BMF: variants seen among roughly 807,000 people sequenced by gnomAD.
BMF encodes bcl-2-modifying factor.
A neutral mutation model predicts 22.0 loss-of-function variants in BMF; 10 were observed. The observed-to-expected ratio is 0.45, with a 90% CI of 0.28 to 0.77. BMF has a LOEUF of 0.77. Among genes scored for constraint, BMF ranks in the 30% least tolerant of loss-of-function variants. BMF has a pLI of 0.13. For synonymous variants in BMF, 87 were observed against 88.1 expected (o/e 0.99, Z 0.07); for missense variants, 206 against 226.8 (o/e 0.91, Z 0.59).
rs1462234489 is a variant in BMF, at chr15:40,090,260, C to T, written c.*1527G>A. On this transcript the variant is annotated 3_prime_UTR_variant, in exon 5 of 5. Coordinates refer to ENST00000354670, the MANE Select transcript of BMF (RefSeq NM_001003940.2). ...TCTCCTTCAATAGTACTGAAGACCT[C>T]CTCTCCTCAGAACTGGAAGACTTGG... 6.6e-6 allele frequency: 1 copy of T among 152,640 alleles called. No individual in the cohort carries two copies. Among genetic ancestry groups the T allele is most frequent in the East Asian group, 1.9e-4 (1 of 5,202 alleles). The allele number at this position is 152,640 out of a possible 1,614,324, so 9.5% of individuals were successfully genotyped here.
intron 3 of BMF, among the ~76,000 whole-genome samples, chr15:40,104,983 G>T (rs1330318937): frequency 2.6e-5 from 4 of 152,074 alleles, no homozygotes; most frequent in Non-Finnish European, 5.9e-5. Context: ...CAGTCCGCCG[G>T]GCTCCTCGCT....
In BMF at chr15:40,088,923, T is replaced by C. The variant is rs2036182838; in HGVS notation, c.*2864A>G. ...CTGGGGACTTCCCTCACCAGATCTG[T>C]TGACCAACTTCTAGAAACCCCTGCT... is the stretch of plus-strand genomic sequence containing the variant. On this transcript the variant is annotated 3_prime_UTR_variant, in exon 5 of 5. Transcript: ENST00000354670. 6.6e-6 allele frequency: 1 copy of C among 152,670 alleles called. No homozygotes were observed. The highest frequency in any genetic ancestry group is 1.5e-5 in the Non-Finnish European group (1 of 68,042). 9.5% of individuals were successfully genotyped at this position (152,670 alleles called of 1,614,324 possible).
intron 4 of BMF, among the ~76,000 whole-genome samples, chr15:40,093,594 GC>G (rs1424786632): frequency 3.9e-5 from 6 of 152,210 alleles, no homozygotes; most frequent in African/African-American, 1.4e-4. Context: ...CCCCTCCCCA[GC>G]TGCTGACCGA....
intron 4 of BMF, among the ~76,000 whole-genome samples, chr15:40,097,490 C>T (rs966056385): frequency 2.6e-5 from 4 of 152,192 alleles, no homozygotes; most frequent in African/African-American, 9.7e-5. Flanking sequence ...CTTCCTTGTA[C>T]CCTTGTTTTC....
At chr15:40,098,221 G>A (rs58351041) in intron 4 of BMF, among the ~76,000 whole-genome samples, 1,824 of 152,298 alleles carry the variant, frequency 0.012, 41 homozygotes, top group African/African-American at 0.042. Context: ...TTCCTCTAAC[G>A]CAACTGGAAG....
In BMF at chr15:40,087,910, T is replaced by C. The variant is rs1163001318; in HGVS notation, c.*3877A>G. ...CCAGATTTGCTTTAAATGATTTTAT[T>C]AAAAATTGTACCAATTGATGGGGGG... On this transcript the variant is annotated 3_prime_UTR_variant, in exon 5 of 5. Transcript: ENST00000354670. 10 of 152,216 alleles carry C rather than the reference T, an allele frequency of 6.6e-5. No individual in the cohort carries two copies. The highest frequency in any genetic ancestry group is 6.5e-4 in the Admixed American group (10 of 15,288). 9.4% of individuals were successfully genotyped at this position (152,216 alleles called of 1,614,324 possible).
At chr15:40,107,715 A>G (rs1016128675) in intron 2 of BMF, among the ~76,000 whole-genome samples, 2 of 152,156 alleles carry the variant, frequency 1.3e-5, no homozygotes, top group Admixed American at 6.5e-5. Flanking sequence ...TTCTCAGGCT[A>G]GCAATCTTGA....
Position 40,091,653 on chromosome 15 carries a change from A to G in BMF, c.*134T>C, listed in dbSNP as rs948054896. On this transcript the variant is annotated 3_prime_UTR_variant, in exon 5 of 5. Coordinates refer to ENST00000354670, the MANE Select transcript of BMF (RefSeq NM_001003940.2). The stretch of plus-strand genomic sequence containing the variant: ...GAGTATGTTGTATGTACACTCAGAG[A>G]GAAATTAAAAAAAATTAAAACACAA... 7.2e-6 allele frequency: 5 copies of G among 690,826 alleles called. No individual in the cohort carries two copies. Among genetic ancestry groups the G allele is most frequent in the Non-Finnish European group, 1.2e-5 (5 of 407,538 alleles). The allele number at this position is 690,826 out of a possible 1,614,324, so 42.8% of individuals were successfully genotyped here.
chr15:40,097,682 G>A (rs2036394170), intron 4 of BMF, among the ~76,000 whole-genome samples: 1 of 152,192 alleles, frequency 6.6e-6, no homozygotes, highest in South Asian at 2.1e-4. Context: ...AGGTTGCTGT[G>A]GTGATTACGT....
chr15:40,105,331 C>A (rs1262158178), intron 3 of BMF, among the ~76,000 whole-genome samples: 1 of 152,252 alleles, frequency 6.6e-6, no homozygotes, highest in Non-Finnish European at 1.5e-5. Flanking sequence ...GGCCCAACCT[C>A]TTTCTCCAGT....
In BMF at chr15:40,105,861, C is replaced by A; in HGVS notation, c.226G>T (p.Ala76Ser). Residue 76 changes from alanine (A) to serine (S), a missense_variant, in exon 3 of 5, where the codon GCC becomes TCC. Physicochemically the swap from Ala to Ser is moderately conservative, Grantham distance 99. Transcript: ENST00000354670. ...EDKATQTLSP[A>S]SPSQGVMLPC... ...AGCATGACACCTTGGCTGGGGGAGG[C>A]TGGGCTGAGAGTCTGGGTAGCTTTG... 2 of 1,614,000 alleles carry A rather than the reference C, an allele frequency of 1.2e-6. No individual in the cohort carries two copies. Among genetic ancestry groups the A allele is most frequent in the South Asian group, 2.2e-5 (2 of 91,062 alleles).
intron 2 of BMF, among the ~76,000 whole-genome samples, chr15:40,107,836 C>T (rs562789570): frequency 3.4e-4 from 52 of 152,236 alleles, no homozygotes; most frequent in African/African-American, 1.1e-3. Context: ...AAAGTTCAAC[C>T]TTTGCCTGGA....
At chr15:40,104,540 G>A (rs1413818458) in intron 3 of BMF, among the ~76,000 whole-genome samples, 200 bp from the exon 4 acceptor site, 2 of 152,224 alleles carry the variant, frequency 1.3e-5, no homozygotes, top group African/African-American at 4.8e-5. Context: ...AGAACAGAAA[G>A]AATGGCCCCA....
chr15:40,100,518 C>T (rs911396709), intron 4 of BMF, among the ~76,000 whole-genome samples: 1 of 152,242 alleles, frequency 6.6e-6, no homozygotes, highest in African/African-American at 2.4e-5. Flanking sequence ...AAGGTTTTTA[C>T]CTCCACTCAC....
intron 2 of BMF, among the ~76,000 whole-genome samples, chr15:40,107,721 C>T (rs1328188174): frequency 6.6e-6 from 1 of 152,292 alleles, no homozygotes; most frequent in East Asian, 1.9e-4. Context: ...GGCTAGCAAT[C>T]TTGACCTAAG....
Position 40,091,727 on chromosome 15 carries a change from G to T in BMF, c.*60C>A. ...ACAAGACACAGTGTCAGTCCTGCCC[G>T]ATGTCCTTCCTGTTCCAGACGGTGT... On this transcript the variant is annotated 3_prime_UTR_variant, in exon 5 of 5. Coordinates refer to ENST00000354670, the MANE Select transcript of BMF (RefSeq NM_001003940.2). 8.1e-7 allele frequency: 1 copy of T among 1,239,774 alleles called. No homozygotes were observed. The highest frequency in any genetic ancestry group is 1.2e-6 in the Non-Finnish European group (1 of 868,874). The allele number at this position is 1,239,774 out of a possible 1,614,324, so 76.8% of individuals were successfully genotyped here. A position where few individuals can be genotyped will look rare whatever the true frequency, so the allele number is the denominator to read the frequency against.
In BMF at chr15:40,091,655, A is replaced by G; in HGVS notation, c.*132T>C. The G allele has an allele frequency of 1.4e-6, 1 of 694,294 alleles. No individual in the cohort carries two copies. Among genetic ancestry groups the G allele is most frequent in the Non-Finnish European group, 2.4e-6 (1 of 410,350 alleles). 43.0% of individuals were successfully genotyped at this position (694,294 alleles called of 1,614,324 possible). A position where few individuals can be genotyped will look rare whatever the true frequency, so the allele number is the denominator to read the frequency against. On this transcript the variant is annotated 3_prime_UTR_variant, in exon 5 of 5. Coordinates refer to ENST00000354670, the MANE Select transcript of BMF (RefSeq NM_001003940.2). ...GTATGTTGTATGTACACTCAGAGAG[A>G]AATTAAAAAAAATTAAAACACAAAA...
intron 4 of BMF, among the ~76,000 whole-genome samples, chr15:40,096,345 G>A (rs1235463658): frequency 6.6e-6 from 1 of 152,020 alleles, no homozygotes; most frequent in African/African-American, 2.4e-5. Flanking sequence ...CCCTCTGGGG[G>A]CTCTGTGTGT....
chr15:40,106,260 A>C lies in BMF; in HGVS notation c.-5-169T>G. 2.7e-6 allele frequency: 2 copies of C among 734,996 alleles called. No individual in the cohort carries two copies. Among genetic ancestry groups the C allele is most frequent in the Non-Finnish European group, 4.1e-6 (2 of 483,806 alleles). The allele number at this position is 734,996 out of a possible 1,614,324, so 45.5% of individuals were successfully genotyped here. The stretch of plus-strand genomic sequence containing the variant: ...TAAAGCACTGCTAAGGGTGACATTC[A>C]CTCCCCAAATGTGGACTGCCTGAAT... On this transcript the variant is annotated intron_variant, in intron 2 of 4. Coordinates refer to ENST00000354670, the MANE Select transcript of BMF (RefSeq NM_001003940.2). The surrounding 1 kb of genome is among the most constrained non-coding windows in gnomAD (Gnocchi z 4.1).
Sources: allele counts gnomAD v4.1 joint callset (sites outside exome capture counted in the v4.1 genomes callset), GRCh38; gene constraint gnomAD v4.1.1; non-coding constraint Gnocchi (gnomAD v3.1); transcripts MANE v1.5; gene names NCBI Gene and HGNC (gene_info 2026-07-23, HGNC 2026-07-21).